The following HSF4 variants were observed in gnomAD, a reference collection of about 807,000 sequenced individuals.
HSF4 encodes the protein heat shock factor protein 4.
Under a neutral mutation model 52.0 loss-of-function variants are expected in HSF4, and 41 were observed. That is an observed-to-expected ratio of 0.79 (90% CI 0.61 to 1.02). The LOEUF (loss-of-function observed/expected upper bound fraction) is 1.02. Ranked by LOEUF, HSF4 falls within the 50% of genes least tolerant of loss-of-function variation. The probability of loss-of-function intolerance (pLI) is 0.00; values close to 1 mark genes in which losing one functional copy is unlikely to be tolerated. For synonymous variants in HSF4, 285 were observed against 273.0 expected, an observed-to-expected ratio of 1.04 and a Z score of -0.43; for missense variants, 610 against 651.1, an observed-to-expected ratio of 0.94 and a Z score of 0.69.
In HSF4 at chr16:67,165,660, G is replaced by C. The variant is rs748523949; in HGVS notation, c.232+30G>C. 1 of 1,612,658 alleles carries C rather than the reference G, an allele frequency of 6.2e-7. No homozygotes were observed. Among genetic ancestry groups the C allele is most frequent in the Non-Finnish European group, 8.5e-7 (1 of 1,179,878 alleles). On this transcript the variant is annotated intron_variant, in intron 2 of 12. Coordinates refer to ENST00000521374, the MANE Select transcript of HSF4 (RefSeq NM_001374675.1). This position sits in a 1 kb window ranked among gnomAD's most constrained non-coding sequence, Gnocchi z 6.9. ...GTCCCTACGGCCGGGCGGGGAGCGG[G>C]GATGGGGGACTCGGTGCCGGGGATG...
In HSF4 at chr16:67,169,027, T is replaced by C. The variant is rs1438147395; in HGVS notation, c.1189-9T>C. 6.2e-7 allele frequency: 1 copy of C among 1,613,922 alleles called. No individual in the cohort carries two copies. Among genetic ancestry groups the C allele is most frequent in the Non-Finnish European group, 8.5e-7 (1 of 1,179,978 alleles). On this transcript the variant is annotated splice_polypyrimidine_tract_variant and intron_variant, in intron 10 of 12. Transcript: ENST00000521374. The surrounding 1 kb of genome is among the most constrained non-coding windows in gnomAD (Gnocchi z 4.3). The stretch of plus-strand genomic sequence containing the variant: ...GGGGAGGGCACCACTGACCCAGAGC[T>C]CTCCTCAGGTGCTGGGCCCCAGTCT...
intron 9 of HSF4, 108 bp downstream of exon 9, chr16:67,168,055 C>A: frequency 1.0e-6 from 1 of 954,764 alleles, no homozygotes; most frequent in South Asian, 1.4e-5. Flanking sequence ...ATTTCTTGGC[C>A]CCAGCATCAG....
chr16:67,164,707 C>T, upstream of HSF4: 1 of 1,371,276 alleles, frequency 7.3e-7, no homozygotes, highest in South Asian at 1.5e-5. Context: ...ACCCGGCGCC[C>T]CGGGGCGGAG....
In HSF4 at chr16:67,169,403, C is replaced by G; in HGVS notation, c.1324+55C>G. ...GGACGCCGTGATTGGGCTGAGCTAC[C>G]TTGATTGAGTGAGGGGGCAATCTGC... On this transcript the variant is annotated intron_variant, in intron 12 of 12. Transcript: ENST00000521374. This position sits in a 1 kb window ranked among gnomAD's most constrained non-coding sequence, Gnocchi z 4.3. 1 of 1,590,218 alleles carries G rather than the reference C, an allele frequency of 6.3e-7. No individual in the cohort carries two copies. The highest frequency in any genetic ancestry group is 8.6e-7 in the Non-Finnish European group (1 of 1,167,990).
chr16:67,168,413 G>A (rs1274660080), intron 9 of HSF4, among the ~76,000 whole-genome samples: 1 of 151,922 alleles, frequency 6.6e-6, no homozygotes, highest in Non-Finnish European at 1.5e-5. Flanking sequence ...GGTGGAGGCT[G>A]CAGTTAGCCA....
intron 9 of HSF4, 86 bp from the exon 10 acceptor site, chr16:67,168,745 G>A: frequency 1.0e-6 from 1 of 970,858 alleles, no homozygotes; most frequent in Non-Finnish European, 1.7e-6. Context: ...TAAAGATTGG[G>A]GGATTAAAAT....
chr16:67,165,437 G>C lies in HSF4; in HGVS notation c.124-85G>C. On this transcript the variant is annotated intron_variant, in intron 1 of 12. Coordinates refer to ENST00000521374, the MANE Select transcript of HSF4 (RefSeq NM_001374675.1). This position sits in a 1 kb window ranked among gnomAD's most constrained non-coding sequence, Gnocchi z 6.9. The stretch of plus-strand genomic sequence containing the variant: ...AGAGTGAGCATGAGTGTGTGCGCGC[G>C]CTGGAGCGCAGGACTGGCCGTGAGC... 1 of 1,233,532 alleles carries C rather than the reference G, an allele frequency of 8.1e-7. No individual in the cohort carries two copies. The highest frequency in any genetic ancestry group is 1.2e-5 in the South Asian group (1 of 83,310). 76.4% of individuals were successfully genotyped at this position (1,233,532 alleles called of 1,614,324 possible).
Position 67,166,457 on chromosome 16 carries a change from A to C in HSF4, c.561+62A>C, listed in dbSNP as rs538698506. On this transcript the variant is annotated intron_variant, in intron 5 of 12. Coordinates refer to ENST00000521374, the MANE Select transcript of HSF4 (RefSeq NM_001374675.1). The stretch of plus-strand genomic sequence containing the variant: ...TCCTCGACACCCCATTCCACCGCCC[A>C]GTCCCCCGGCGCCCCTGTTAAGCCT... 79 of 1,591,770 alleles carry C rather than the reference A, an allele frequency of 5.0e-5. 1 individual carries two copies. In the South Asian group the frequency reaches 8.5e-4, roughly 17 times the overall value.
upstream of HSF4, chr16:67,164,005 C>T: frequency 3.5e-6 from 3 of 848,250 alleles, no homozygotes; most frequent in South Asian, 4.3e-5. Context: ...ACTCGCTGCT[C>T]TCACCCTCTG....
intron 9 of HSF4, 95 bp from the exon 10 acceptor site, chr16:67,168,735 TA>T: frequency 1.1e-6 from 1 of 924,562 alleles, no homozygotes; most frequent in Non-Finnish European, 1.8e-6. Context: ...TATCATTTTC[TA>T]AAGATTGGGG....
In HSF4 at chr16:67,169,821, G is replaced by A. The variant is rs777574602; in HGVS notation, c.*36G>A. ...CTCTGAAGGGGCTTGGAACCAGTCC[G>A]CCGCTGCACATCCTTCTTGGCTTCC... On this transcript the variant is annotated 3_prime_UTR_variant, in exon 13 of 13. Coordinates refer to ENST00000521374, the MANE Select transcript of HSF4 (RefSeq NM_001374675.1). This position sits in a 1 kb window ranked among gnomAD's most constrained non-coding sequence, Gnocchi z 4.3. The A allele has an allele frequency of 5.1e-5, 83 of 1,612,138 alleles. No homozygotes were observed. Among genetic ancestry groups the A allele is most frequent in the Non-Finnish European group, 6.5e-5 (77 of 1,179,512 alleles).
chr16:67,167,817 G>C lies in HSF4; in HGVS notation c.952G>C (p.Val318Leu). The change falls in exon 9 of 13, where the codon GTG (valine) becomes CTG (leucine). Residue 318 changes from valine to leucine, a missense_variant. Coordinates refer to ENST00000521374, the MANE Select transcript of HSF4 (RefSeq NM_001374675.1). ...ALAPNECDFCVTAPPPLPVAV... is the reference protein window; with the variant it reads ...ALAPNECDFCLTAPPPLPVAV... ...GGCCCCAAACGAGTGTGACTTCTGCGTGACAGCCCCCCCGCCACTGCCTGT... is the reference window on the plus strand; with the variant it reads ...GGCCCCAAACGAGTGTGACTTCTGCCTGACAGCCCCCCCGCCACTGCCTGT... 2 of 1,594,112 alleles carry C rather than the reference G, an allele frequency of 1.3e-6. No individual in the cohort carries two copies. Among genetic ancestry groups the C allele is most frequent in the Non-Finnish European group, 1.7e-6 (2 of 1,171,090 alleles).
rs552365283 is a variant in HSF4 at position 67,167,493 on chromosome 16, T to C, written c.748T>C (p.Leu250=). Residue 250 remains leucine, a synonymous_variant, in exon 8 of 13, where the codon TTG becomes CTG. Transcript: ENST00000521374. ...FIQSPLPETN[L]GLSPHRARGP... ...CTTACAGCCTCTCCCAGAGACAAAT[T>C]TGGGCCTTAGCCCTCACAGGGCCAG... 6.9e-5 allele frequency: 111 copies of C among 1,613,804 alleles called. 3 individuals are homozygous for C. The South Asian group carries it at 1.2e-3, about 17-fold the overall frequency.
In HSF4 at chr16:67,166,368, C is replaced by G. The variant is rs199734886; in HGVS notation, c.534C>G (p.His178Gln). ...AGGTGGTGACACTTCGGCAGAGCCA[C>G]GGTCAGCAGCACCGGGTCATTGGCA... ...WREVVTLRQS[H>Q]GQQHRVIGKL... Residue 178 changes from histidine to glutamine, a missense_variant, in exon 5 of 13, where the codon CAC becomes CAG. Transcript: ENST00000521374. 5 of 1,609,480 alleles carry G rather than the reference C, an allele frequency of 3.1e-6. No individual in the cohort carries two copies. Among genetic ancestry groups the G allele is most frequent in the South Asian group, 1.1e-5 (1 of 90,364 alleles).
chr16:67,166,993 C>A, intron 6 of HSF4, 127 bp from the exon 7 acceptor site: 2 of 1,302,148 alleles, frequency 1.5e-6, no homozygotes, highest in South Asian at 1.2e-5. Flanking sequence ...GTGACTGACA[C>A]CCTAGCAACA....
In HSF4 at chr16:67,167,185, C is replaced by T. The variant is rs760616259; in HGVS notation, c.692C>T (p.Pro231Leu). ...GCCAAGTTCAACACCTGCCCTCTAC[C>T]TGGTGCCCTTCTGCAGGACCCCTAC... Reference protein sequence around the residue: ...TPAKFNTCPLPGALLQDPYFI... With the variant: ...TPAKFNTCPLLGALLQDPYFI... Residue 231 changes from proline to leucine, a missense_variant, in exon 7 of 13, where the codon CCT becomes CTT. Pro to Leu is a moderately conservative substitution (Grantham distance 98). Coordinates refer to ENST00000521374, the MANE Select transcript of HSF4 (RefSeq NM_001374675.1). 1 of 1,614,208 alleles carries T rather than the reference C, an allele frequency of 6.2e-7. No individual in the cohort carries two copies. The highest frequency in any genetic ancestry group is 8.5e-7 in the Non-Finnish European group (1 of 1,180,010).
Position 67,169,092 on chromosome 16 carries a change from G to T in HSF4, c.1245G>T (p.Glu415Asp), listed in dbSNP as rs1275559619. 5 of 1,612,956 alleles carry T rather than the reference G, an allele frequency of 3.1e-6. No homozygotes were observed. Among genetic ancestry groups the T allele is most frequent in the East Asian group, 2.2e-5 (1 of 44,894 alleles). The change falls in exon 11 of 13, where the codon GAG becomes GAT. Residue 415 changes from glutamate to aspartate, a missense_variant. Coordinates refer to ENST00000521374, the MANE Select transcript of HSF4 (RefSeq NM_001374675.1). This position sits in a 1 kb window ranked among gnomAD's most constrained non-coding sequence, Gnocchi z 4.3. ...GGACCCTGATGGACTTGGACATGGA[G>T]CTGTCCTTGGTAAGAAGTGGGTCGG... ...REWTLMDLDM[E>D]LSLMQPLVPE...
intron 4 of HSF4, 34 bp from the exon 5 acceptor site, chr16:67,166,286 C>T (rs375086636): frequency 1.9e-6 from 3 of 1,594,382 alleles, no homozygotes; most frequent in Non-Finnish European, 2.6e-6. Context: ...GGCGAACTCT[C>T]AGATGCCTCA....
Position 67,168,852 on chromosome 16 carries a change from C to T in HSF4, c.1104C>T (p.Ser368=), listed in dbSNP as rs562617923. 3.3e-5 allele frequency: 54 copies of T among 1,613,726 alleles called. No homozygotes were observed. Among genetic ancestry groups the T allele is most frequent in the South Asian group, 4.4e-5 (4 of 91,082 alleles). ...IPDRGPLGLE[S]GDRSPESLLP... ...ACAGGGGGCCTCTGGGCCTGGAAAG[C>T]GGGGACAGGAGCCCAGAGAGTCTGC... Residue 368 remains serine, a synonymous_variant, in exon 10 of 13, where the codon AGC becomes AGT. Transcript: ENST00000521374.
Sources: allele counts gnomAD v4.1 joint callset (sites outside exome capture counted in the v4.1 genomes callset), GRCh38; gene constraint gnomAD v4.1.1; non-coding constraint Gnocchi (gnomAD v3.1); transcripts MANE v1.5; gene names NCBI Gene and HGNC (gene_info 2026-07-23, HGNC 2026-07-21).